The following TFDP1 variants were observed in gnomAD, a reference collection of about 807,000 sequenced individuals.
TFDP1 encodes the protein transcription factor Dp-1.
In TFDP1, 6 loss-of-function variants were observed where a neutral mutation model predicts 48.0. The ratio of observed to expected loss-of-function variants is 0.13; its 90% confidence interval spans 0.07 to 0.25. TFDP1 has a LOEUF of 0.25. Among genes scored for constraint, TFDP1 ranks in the 10% least tolerant of loss-of-function variants. The pLI is 1.00. For missense variants in TFDP1, 335 were observed against 543.0 expected, an observed-to-expected ratio of 0.62 and a Z score of 3.81; for synonymous variants, 201 against 211.6, an observed-to-expected ratio of 0.95 and a Z score of 0.44.
chr13:113,631,725 T>A lies in TFDP1; in HGVS notation c.289T>A (p.Ser97Thr). 1 of 1,614,136 alleles carries A rather than the reference T, an allele frequency of 6.2e-7. No individual in the cohort carries two copies. The highest frequency in any genetic ancestry group is 8.5e-7 in the Non-Finnish European group (1 of 1,179,994). The change falls in exon 5 of 12, where the codon TCC (serine) becomes ACC (threonine). Residue 97 changes from serine to threonine, a missense_variant. By Grantham distance (58) the Ser-to-Thr change is moderately conservative (BLOSUM62 1). Coordinates refer to ENST00000375370, the MANE Select transcript of TFDP1 (RefSeq NM_007111.5). ...HFASQNQPSD[S>T]SPWSAGKRNR... The stretch of plus-strand genomic sequence containing the variant: ...TGCCTCTCAGAACCAGCCTTCCGAC[T>A]CCTCACCTTGGTCTGCCGGGTGAGC...
At chr13:113,599,901 T>G (rs2048369788) in intron 2 of TFDP1, among the ~76,000 whole-genome samples, 1 of 143,846 alleles carries the variant, frequency 7.0e-6, no homozygotes, top group African/African-American at 2.6e-5. Flanking sequence ...CCAGAGAGAA[T>G]CCTTGTATGT....
intron 3 of TFDP1, among the ~76,000 whole-genome samples, chr13:113,617,238 A>T (rs1012232044): frequency 6.6e-5 from 10 of 152,330 alleles, no homozygotes; most frequent in Middle Eastern, 3.4e-3. Flanking sequence ...CCTGCATTCC[A>T]GGAGCTCAGG....
intron 10 of TFDP1, chr13:113,637,048 A>G (rs1276056327): frequency 9.1e-6 from 2 of 218,906 alleles, no homozygotes; most frequent in Non-Finnish European, 1.8e-5. Context: ...TGGATTGCTG[A>G]TCCCACCCAC....
chr13:113,599,482 C>T (rs888647145), intron 2 of TFDP1, among the ~76,000 whole-genome samples: 4 of 152,238 alleles, frequency 2.6e-5, no homozygotes, highest in East Asian at 1.9e-4. Flanking sequence ...CTCGCTGATG[C>T]GCCCTCACGT....
chr13:113,595,384 G>A (rs1485003688), intron 2 of TFDP1, among the ~76,000 whole-genome samples: 1 of 152,166 alleles, frequency 6.6e-6, no homozygotes, highest in African/African-American at 2.4e-5. Context: ...TGGGTTGTTT[G>A]CAGTTTTCCC....
intron 2 of TFDP1, chr13:113,586,121 C>A (rs1366025647): frequency 5.5e-6 from 2 of 361,496 alleles, no homozygotes; most frequent in Non-Finnish European, 9.9e-6. Context: ...TCTTTACCGA[C>A]TGTGTTAATT....
intron 10 of TFDP1, chr13:113,637,595 T>C (rs1198359310): frequency 6.6e-7 from 1 of 1,524,688 alleles, no homozygotes; most frequent in Non-Finnish European, 8.8e-7. Context: ...AGGTATTTAT[T>C]GCAAGGCTGT....
chr13:113,631,582 G>A (rs1340016918), intron 4 of TFDP1, 41 bp from the exon 5 acceptor site: 1 of 1,591,512 alleles, frequency 6.3e-7, no homozygotes, highest in East Asian at 2.3e-5. Context: ...CTCGCCGTGT[G>A]GGAGGGGACT....
chr13:113,594,851 T>C (rs923970093), intron 2 of TFDP1, among the ~76,000 whole-genome samples: 1 of 152,258 alleles, frequency 6.6e-6, no homozygotes, highest in Non-Finnish European at 1.5e-5. Context: ...AGAGTAATCT[T>C]AGTTGCAGAA....
Position 113,640,914 on chromosome 13 carries a change from G to C in TFDP1, c.*647G>C, listed in dbSNP as rs2049625918. On this transcript the variant is annotated 3_prime_UTR_variant, in exon 12 of 12. Coordinates refer to ENST00000375370, the MANE Select transcript of TFDP1 (RefSeq NM_007111.5). ...CTGTTTTGCAGCAACAAATTGCGAA[G>C]TGCTTTTGTTTGTTTGTTTTCGTTT... The C allele has an allele frequency of 6.5e-6, 1 of 152,942 alleles. No individual in the cohort carries two copies. Among genetic ancestry groups the C allele is most frequent in the Admixed American group, 6.5e-5 (1 of 15,288 alleles). The allele number at this position is 152,942 out of a possible 1,614,324, so 9.5% of individuals were successfully genotyped here.
rs367844491 is a variant in TFDP1 at position 113,614,900 on chromosome 13, C to T, written c.79+3838C>T. On this transcript the variant is annotated intron_variant, in intron 3 of 11. Transcript: ENST00000375370. ...CTCTGAAAGCCTTCAGTGGGTTAGA[C>T]GAGGCCCACCTGCATCGAGCACAGT... Among the ~76,000 whole-genome samples, 5 of 152,248 alleles carry T rather than the reference C, an allele frequency of 3.3e-5. No individual in the cohort carries two copies. The South Asian group carries it at 6.2e-4, about 19-fold the overall frequency.
At chr13:113,605,488 T>G (rs935255181) in intron 2 of TFDP1, among the ~76,000 whole-genome samples, 2 of 152,226 alleles carry the variant, frequency 1.3e-5, no homozygotes, top group African/African-American at 2.4e-5. Context: ...ACAGCGGCTG[T>G]GGGTCAGGAG....
Position 113,585,859 on chromosome 13 carries a change from T to G in TFDP1, c.12+10T>G. 1 of 1,602,664 alleles carries G rather than the reference T, an allele frequency of 6.2e-7. No homozygotes were observed. On this transcript the variant is annotated intron_variant, in intron 2 of 11. Coordinates refer to ENST00000375370, the MANE Select transcript of TFDP1 (RefSeq NM_007111.5). ...TAACATGGCAAAAGATGTAAGTATG[T>G]TTGCTTCATGCTGCACACGAATGTT... is the stretch of plus-strand genomic sequence containing the variant.
intron 3 of TFDP1, among the ~76,000 whole-genome samples, chr13:113,615,943 C>A (rs764360116): frequency 6.6e-6 from 1 of 152,060 alleles, no homozygotes; most frequent in East Asian, 1.9e-4. Context: ...GTGGCTCAAG[C>A]CTGTATCCCA....
intron 3 of TFDP1, among the ~76,000 whole-genome samples, chr13:113,620,044 C>G (rs1487707217): frequency 6.6e-6 from 1 of 152,212 alleles, no homozygotes; most frequent in African/African-American, 2.4e-5. Context: ...TCTCCCCCTT[C>G]CTAATTGTGA....
At chr13:113,601,799 G>C (rs1231001355) in intron 2 of TFDP1, among the ~76,000 whole-genome samples, 3 of 151,978 alleles carry the variant, frequency 2.0e-5, no homozygotes, top group Non-Finnish European at 4.4e-5. Context: ...GAGTTGATGG[G>C]GGAGCAGACA....
rs2049388900 is a variant in TFDP1, at chr13:113,633,365, A to T, written c.474+80A>T. On this transcript the variant is annotated intron_variant, in intron 6 of 11. Transcript: ENST00000375370. This position sits in a 1 kb window ranked among gnomAD's most constrained non-coding sequence, Gnocchi z 4.5. ...ACGTTTCGCTCTTTTAATATCGGGA[A>T]CAGTTAAAACCATACAGAAAATGCC... The T allele has an allele frequency of 1.3e-6, 1 of 793,912 alleles. No individual in the cohort carries two copies. Among genetic ancestry groups the T allele is most frequent in the South Asian group, 1.6e-5 (1 of 61,880 alleles). The allele number at this position is 793,912 out of a possible 1,614,324, so 49.2% of individuals were successfully genotyped here. A position where few individuals can be genotyped will look rare whatever the true frequency, so the allele number is the denominator to read the frequency against.
At chr13:113,628,186 CTG>C (rs1410034553) in intron 4 of TFDP1, among the ~76,000 whole-genome samples, 1 of 149,356 alleles carries the variant, frequency 6.7e-6, no homozygotes, top group Non-Finnish European at 1.5e-5. Flanking sequence ...CGTGTAAAGA[CTG>C]TGTCTGAAGC....
rs4150808 is a variant in TFDP1, at chr13:113,636,262, G to T, written c.839+134G>T. On this transcript the variant is annotated intron_variant, in intron 9 of 11. Coordinates refer to ENST00000375370, the MANE Select transcript of TFDP1 (RefSeq NM_007111.5). ...ATGTTGCACAAATTGCTGTCCATTGGGGGGTGGTGGGAGGCTGCCGCCATG... is the reference window on the plus strand; with the variant it reads ...ATGTTGCACAAATTGCTGTCCATTGTGGGGTGGTGGGAGGCTGCCGCCATG... 6.7e-5 allele frequency: 87 copies of T among 1,292,214 alleles called. 1 individual carries two copies. Among genetic ancestry groups the T allele is most frequent in the South Asian group, 1.3e-4 (9 of 71,050 alleles). The allele number at this position is 1,292,214 out of a possible 1,614,324, so 80.0% of individuals were successfully genotyped here.
Sources: allele counts gnomAD v4.1 joint callset (sites outside exome capture counted in the v4.1 genomes callset), GRCh38; gene constraint gnomAD v4.1.1; non-coding constraint Gnocchi (gnomAD v3.1); transcripts MANE v1.5; gene names NCBI Gene and HGNC (gene_info 2026-07-23, HGNC 2026-07-21).